The following GPR137C variants were observed in gnomAD, a reference collection of about 807,000 sequenced individuals.
The protein encoded by GPR137C is integral membrane protein GPR137C.
A neutral mutation model predicts 43.4 loss-of-function variants in GPR137C; 27 were observed. That is an observed-to-expected ratio of 0.62 (90% CI 0.46 to 0.86). The LOEUF is 0.86. Ranked by LOEUF, GPR137C falls within the 40% of genes least tolerant of loss-of-function variation. GPR137C has a pLI of 0.00. For synonymous variants in GPR137C, 285 were observed against 226.9 expected, an observed-to-expected ratio of 1.26 and a Z score of -2.30; for missense variants, 522 against 534.6, an observed-to-expected ratio of 0.98 and a Z score of 0.23.
At chr14:52,589,435 G>T (rs367804082) in intron 1 of GPR137C, among the ~76,000 whole-genome samples, 2 of 152,216 alleles carry the variant, frequency 1.3e-5, no homozygotes, top group East Asian at 1.9e-4. Context: ...TGTATGGGGG[G>T]AATTTTAAAA....
At chr14:52,585,505 T>A (rs1034903306) in intron 1 of GPR137C, among the ~76,000 whole-genome samples, 6 of 152,188 alleles carry the variant, frequency 3.9e-5, no homozygotes, top group Non-Finnish European at 8.8e-5. Flanking sequence ...TACCCTACTT[T>A]AAATTTAACA....
intron 1 of GPR137C, 135 bp from the exon 2 acceptor site, chr14:52,598,137 C>T (rs938968293): frequency 9.2e-6 from 4 of 433,950 alleles, no homozygotes; most frequent in Admixed American, 4.3e-5. Flanking sequence ...TTTATGGTAG[C>T]TCAACTGTTA....
intron 1 of GPR137C, among the ~76,000 whole-genome samples, chr14:52,576,279 ATGT>A (rs1422780643): frequency 1.3e-5 from 2 of 152,180 alleles, no homozygotes; most frequent in Admixed American, 6.5e-5. Context: ...AATTCCATCA[ATGT>A]TGTTGCAATT....
At chr14:52,596,788 C>T (rs763831582) in intron 1 of GPR137C, 23 of 383,380 alleles carry the variant, frequency 6.0e-5, no homozygotes, top group Non-Finnish European at 4.8e-5. Context: ...CCAGGTGAGG[C>T]GACACCCTGC....
chr14:52,632,723 G>T (rs2039309189), intron 4 of GPR137C, among the ~76,000 whole-genome samples: 1 of 151,990 alleles, frequency 6.6e-6, no homozygotes, highest in Non-Finnish European at 1.5e-5. Flanking sequence ...TTTGGTTCAG[G>T]TTAACATGTT....
intron 1 of GPR137C, among the ~76,000 whole-genome samples, chr14:52,579,011 G>A (rs1225395645): frequency 6.6e-6 from 1 of 151,950 alleles, no homozygotes; most frequent in Non-Finnish European, 1.5e-5. Context: ...GAGCTTTGCT[G>A]TAGGGTGATC....
intron 1 of GPR137C, among the ~76,000 whole-genome samples, chr14:52,589,685 A>G (rs2038757218): frequency 1.3e-5 from 2 of 152,212 alleles, no homozygotes; most frequent in Non-Finnish European, 2.9e-5. Flanking sequence ...CAGGCACCGC[A>G]TAACAACGTT....
Position 52,553,598 on chromosome 14 carries a change from CG to C in GPR137C, c.444+10del. 1 of 1,535,406 alleles carries C rather than the reference CG, an allele frequency of 6.5e-7. No homozygotes were observed. The highest frequency in any genetic ancestry group is 8.8e-7 in the Non-Finnish European group (1 of 1,135,960). On this transcript the variant is annotated splice_region_variant and intron_variant, in intron 1 of 6. Transcript: ENST00000321662. ...CAACCTCTACCTGGCGGAGGTAAGG[CG>C]GGAGGGCCGGCATGCGGGGCCCGGG...
intron 1 of GPR137C, among the ~76,000 whole-genome samples, chr14:52,567,129 C>A (rs1412052877): frequency 5.9e-5 from 9 of 151,954 alleles, no homozygotes; most frequent in Non-Finnish European, 1.2e-4. Flanking sequence ...AAGAAAAGAA[C>A]TCTGGATATG....
chr14:52,560,622 AT>A (rs1209725998), intron 1 of GPR137C, among the ~76,000 whole-genome samples: 1 of 152,162 alleles, frequency 6.6e-6, no homozygotes, highest in African/African-American at 2.4e-5. Flanking sequence ...TAGTCAACTG[AT>A]TTTTTTCCCC....
intron 3 of GPR137C, among the ~76,000 whole-genome samples, chr14:52,617,103 C>T (rs1289375892): frequency 6.6e-6 from 1 of 152,176 alleles, no homozygotes; most frequent in African/African-American, 2.4e-5. Flanking sequence ...ATGTGGCTCA[C>T]CTCTGTCAGC....
intron 1 of GPR137C, among the ~76,000 whole-genome samples, chr14:52,568,242 ACT>A: frequency 6.6e-6 from 1 of 151,844 alleles, no homozygotes. Context: ...GCCATGAGGG[ACT>A]CTGCCTTGAA....
intron 1 of GPR137C, among the ~76,000 whole-genome samples, chr14:52,586,385 A>G (rs1418139261): frequency 1.3e-5 from 2 of 152,198 alleles, no homozygotes; most frequent in Non-Finnish European, 2.9e-5. Flanking sequence ...AACTCCTTGC[A>G]CTTCTGCTCT....
chr14:52,568,228 G>GAA (rs1250636150), intron 1 of GPR137C, among the ~76,000 whole-genome samples: 1 of 152,172 alleles, frequency 6.6e-6, no homozygotes, highest in African/African-American at 2.4e-5. Context: ...CCTAGTCAAG[G>GAA]AAAGCCATGA....
At chr14:52,562,612 A>G (rs1467599007) in intron 1 of GPR137C, among the ~76,000 whole-genome samples, 1 of 152,198 alleles carries the variant, frequency 6.6e-6, no homozygotes, top group Non-Finnish European at 1.5e-5. Flanking sequence ...AGCAAACAAA[A>G]AACAACTATT....
intron 3 of GPR137C, 87 bp downstream of exon 3, chr14:52,600,428 CTATTTTATTTTATTT>C (rs72343825): frequency 1.0e-5 from 7 of 675,150 alleles, no homozygotes; most frequent in East Asian, 2.8e-5. Flanking sequence ...GTTTATATTG[CTATTTTATTTTATTT>C]TATTTTATTT....
intron 6 of GPR137C, 124 bp from the exon 7 acceptor site, chr14:52,634,814 C>T (rs939191243): frequency 1.1e-5 from 8 of 747,800 alleles, no homozygotes; most frequent in Non-Finnish European, 1.5e-5. Context: ...TGACAAAGAA[C>T]ATATTTCAAT....
chr14:52,590,939 G>T (rs1303834676), intron 1 of GPR137C, among the ~76,000 whole-genome samples: 4 of 152,014 alleles, frequency 2.6e-5, no homozygotes, highest in African/African-American at 9.7e-5. Flanking sequence ...CCATCAACTG[G>T]ACATTTACAT....
chr14:52,566,257 A>G (rs1170435041), intron 1 of GPR137C, among the ~76,000 whole-genome samples: 1 of 152,118 alleles, frequency 6.6e-6, no homozygotes, highest in Non-Finnish European at 1.5e-5. Context: ...ACACTCTACA[A>G]TTTGTTTTTC....
Sources: gnomAD v4.1 joint callset for allele counts (sites outside exome capture counted in the v4.1 genomes callset) on GRCh38, gnomAD v4.1.1 for gene constraint, MANE v1.5 for transcripts, NCBI Gene and HGNC (gene_info 2026-07-23, HGNC 2026-07-21) for gene names.